LRMDA: variants seen among roughly 807,000 people sequenced by gnomAD.
LRMDA encodes the protein leucine-rich melanocyte differentiation-associated protein.
LRMDA carries 18 observed loss-of-function variants against 29.8 expected under a neutral mutation model. That is an observed-to-expected ratio of 0.60 (90% CI 0.42 to 0.90). LRMDA has a LOEUF of 0.90. LRMDA is among the 40% of genes least tolerant of loss of function. The pLI is 0.00. For missense variants in LRMDA, 273 were observed against 273.9 expected (o/e 1.00, Z 0.02); for synonymous variants, 125 against 109.4 (o/e 1.14, Z -0.89).
At chr10:76,177,142 G>T (rs534434785) in intron 5 of LRMDA, among the ~76,000 whole-genome samples, 39 of 152,290 alleles carry the variant, frequency 2.6e-4, no homozygotes, top group Middle Eastern at 3.4e-3. Context: ...TCACAGCCAT[G>T]CAGTGTCGCC....
chr10:75,729,902 A>G (rs1322448669), intron 2 of LRMDA, among the ~76,000 whole-genome samples: 1 of 152,084 alleles, frequency 6.6e-6, no homozygotes, highest in African/African-American at 2.4e-5. Context: ...TGCTAAAGCA[A>G]TCCTCTCACC....
intron 6 of LRMDA, among the ~76,000 whole-genome samples, chr10:76,450,396 C>G (rs938733670): frequency 3.9e-5 from 6 of 152,054 alleles, no homozygotes; most frequent in African/African-American, 1.4e-4. Flanking sequence ...ATTTAAAACA[C>G]AATAGAACTT....
At chr10:76,269,149 C>G (rs1840038496) in intron 5 of LRMDA, among the ~76,000 whole-genome samples, 1 of 152,108 alleles carries the variant, frequency 6.6e-6, no homozygotes, top group South Asian at 2.1e-4. Context: ...ACAAAGCAAT[C>G]ATCTGGGGAG....
chr10:75,464,199 T>C (rs974210588), intron 2 of LRMDA, among the ~76,000 whole-genome samples: 2 of 152,244 alleles, frequency 1.3e-5, no homozygotes, highest in Admixed American at 6.5e-5. Flanking sequence ...TCTAGTTCTC[T>C]GGGGCTGTAG....
chr10:75,650,340 A>T (rs141243745), intron 2 of LRMDA, among the ~76,000 whole-genome samples: 93 of 152,288 alleles, frequency 6.1e-4, no homozygotes, highest in Non-Finnish European at 1.0e-3. Flanking sequence ...TGGCATGTGG[A>T]TGTCCAGTTT....
chr10:75,896,840 T>TG (rs2132359496), intron 2 of LRMDA, among the ~76,000 whole-genome samples: 1 of 122,046 alleles, frequency 8.2e-6, no homozygotes, highest in South Asian at 3.1e-4. Context: ...AGAGTGTGCA[T>TG]TTGTGTGTGT....
chr10:76,124,340 A>G (rs547988647), intron 5 of LRMDA, among the ~76,000 whole-genome samples: 12 of 152,340 alleles, frequency 7.9e-5, no homozygotes, highest in Non-Finnish European at 1.6e-4. Context: ...CAGTGTTTTG[A>G]TAACAGTCCT....
At chr10:76,337,187 T>C (rs752736997) in intron 6 of LRMDA, among the ~76,000 whole-genome samples, 11 of 152,178 alleles carry the variant, frequency 7.2e-5, no homozygotes, top group Non-Finnish European at 1.0e-4. Context: ...CTATAGAGCA[T>C]GTTCTATGTG....
chr10:76,063,575 T>C (rs1848737699), intron 5 of LRMDA, among the ~76,000 whole-genome samples: 1 of 152,080 alleles, frequency 6.6e-6, no homozygotes, highest in Non-Finnish European at 1.5e-5. Flanking sequence ...TATGTGTGTG[T>C]GTGCATGTGT....
chr10:75,619,307 C>T (rs1480595614), intron 2 of LRMDA, among the ~76,000 whole-genome samples: 1 of 152,002 alleles, frequency 6.6e-6, no homozygotes, highest in South Asian at 2.1e-4. Context: ...GTCTATACCC[C>T]CTATCCTGTT....
At chr10:76,366,517 G>A (rs1841393495) in intron 6 of LRMDA, among the ~76,000 whole-genome samples, 1 of 152,140 alleles carries the variant, frequency 6.6e-6, no homozygotes, top group African/African-American at 2.4e-5. Context: ...TGCAGCTATT[G>A]TAAAAGAGGT....
At chr10:75,920,079 T>C (rs1162200273) in intron 2 of LRMDA, among the ~76,000 whole-genome samples, 2 of 152,160 alleles carry the variant, frequency 1.3e-5, no homozygotes, top group African/African-American at 4.8e-5. Flanking sequence ...AATGCTTGAT[T>C]CTCCTGGGGG....
At chr10:75,472,692 A>G (rs1056228914) in intron 2 of LRMDA, among the ~76,000 whole-genome samples, 3 of 152,196 alleles carry the variant, frequency 2.0e-5, no homozygotes, top group African/African-American at 7.2e-5. Context: ...CATCATGTAT[A>G]TGGTGTATGC....
At chr10:76,132,963 C>T (rs112673574) in intron 5 of LRMDA, among the ~76,000 whole-genome samples, 6,064 of 136,982 alleles carry the variant, frequency 0.044, 569 homozygotes, top group African/African-American at 0.16. Context: ...CCACCACGCC[C>T]GGCTTTTTTT....
At chr10:76,379,775 G>A (rs977627328) in intron 6 of LRMDA, among the ~76,000 whole-genome samples, 1 of 151,980 alleles carries the variant, frequency 6.6e-6, no homozygotes, top group Non-Finnish European at 1.5e-5. Flanking sequence ...GTTTGTTCTT[G>A]TTTTTGTAGT....
intron 2 of LRMDA, among the ~76,000 whole-genome samples, chr10:76,011,422 C>T (rs1005639287): frequency 1.3e-5 from 2 of 152,124 alleles, no homozygotes; most frequent in African/African-American, 2.4e-5. Context: ...TCTCGTCTCC[C>T]GTACCTCTGG....
At chr10:76,406,655 T>A (rs1319261405) in intron 6 of LRMDA, among the ~76,000 whole-genome samples, 2 of 152,148 alleles carry the variant, frequency 1.3e-5, no homozygotes, top group Non-Finnish European at 2.9e-5. Flanking sequence ...CTGCCCTGCA[T>A]TGATACACAA....
intron 2 of LRMDA, among the ~76,000 whole-genome samples, chr10:75,772,639 C>T (rs977734907): frequency 6.6e-6 from 1 of 151,898 alleles, no homozygotes; most frequent in Non-Finnish European, 1.5e-5. Flanking sequence ...TGAAAGTGCT[C>T]GAATAGCAAA....
At chr10:75,732,638 T>G (rs533815023) in intron 2 of LRMDA, among the ~76,000 whole-genome samples, 1 of 152,208 alleles carries the variant, frequency 6.6e-6, no homozygotes, top group African/African-American at 2.4e-5. Context: ...GTATCCTCAT[T>G]GCACATGTGT....
Sources: allele counts gnomAD v4.1 joint callset (sites outside exome capture counted in the v4.1 genomes callset), GRCh38; gene constraint gnomAD v4.1.1; transcripts MANE v1.5; gene names NCBI Gene and HGNC (gene_info 2026-07-23, HGNC 2026-07-21).